Variants in ASB15 observed in about 807,000 individuals in gnomAD.
ASB15 encodes ankyrin repeat and SOCS box protein 15.
Under a neutral mutation model 58.0 loss-of-function variants are expected in ASB15, and 54 were observed. The observed-to-expected ratio is 0.93, with a 90% CI of 0.75 to 1.17. ASB15 has a LOEUF of 1.17. Ranked by LOEUF, ASB15 falls within the 50% of genes most tolerant of loss-of-function variation. The pLI, the probability that ASB15 is intolerant of heterozygous loss-of-function variation, is 0.00. For synonymous variants in ASB15, 249 were observed against 262.4 expected (o/e 0.95, Z 0.50); for missense variants, 680 against 707.4 (o/e 0.96, Z 0.44).
chr7:123,577,872 G>A (rs951475221), intron 1 of ASB15, among the ~76,000 whole-genome samples: 13 of 151,854 alleles, frequency 8.6e-5, no homozygotes, highest in African/African-American at 1.9e-4. Context: ...AATATCAAGC[G>A]TAGTCTTTGC....
At chr7:123,631,947 G>A (rs1802141039) in intron 11 of ASB15, among the ~76,000 whole-genome samples, 2 of 151,886 alleles carry the variant, frequency 1.3e-5, no homozygotes, top group Admixed American at 6.6e-5. Flanking sequence ...GCGTGCTGGC[G>A]GGCGCCTGTA....
chr7:123,585,988 C>T (rs896125913), intron 1 of ASB15, among the ~76,000 whole-genome samples: 1 of 151,676 alleles, frequency 6.6e-6, no homozygotes, highest in Admixed American at 6.6e-5. Context: ...CTTATGGACA[C>T]TTAGGTTAAT....
intron 3 of ASB15, chr7:123,614,171 C>T (rs973852611): frequency 1.7e-5 from 4 of 238,964 alleles, no homozygotes; most frequent in African/African-American, 4.7e-5. Context: ...AACTGATGGA[C>T]CAAAATTGGC....
intron 1 of ASB15, among the ~76,000 whole-genome samples, chr7:123,589,049 G>T (rs1342675556): frequency 6.6e-6 from 1 of 151,668 alleles, no homozygotes; most frequent in African/African-American, 2.4e-5. Context: ...GTAATGTTCT[G>T]CATATGTCTG....
chr7:123,627,669 C>T (rs1008090385), intron 9 of ASB15, among the ~76,000 whole-genome samples: 1 of 152,088 alleles, frequency 6.6e-6, no homozygotes, highest in African/African-American at 2.4e-5. Flanking sequence ...CAGTGTTATT[C>T]CAGTTATTTC....
In ASB15 at chr7:123,630,039, T is replaced by C. The variant is rs1430817592; in HGVS notation, c.1514T>C (p.Met505Thr). The C allele has an allele frequency of 6.2e-6, 10 of 1,606,888 alleles. No homozygotes were observed. The highest frequency in any genetic ancestry group is 8.5e-6 in the Non-Finnish European group (10 of 1,173,974). The change falls in exon 11 of 12, where the codon ATG becomes ACG. Residue 505 changes from methionine (M) to threonine (T), a missense_variant. Physicochemically the swap from Met to Thr is moderately conservative, Grantham distance 81. Coordinates refer to ENST00000451215, the MANE Select transcript of ASB15 (RefSeq NM_001290258.2). The part of the protein sequence containing the change: ...GRVTRVLIDY[M>T]DYVPLCAKLK... ...GTTACTCGTGTACTAATAGATTACA[T>C]GGATTATGTTCCTCTGTGTGCTAAA...
chr7:123,624,991 T>A, intron 8 of ASB15, 177 bp downstream of exon 8: 1 of 701,802 alleles, frequency 1.4e-6, no homozygotes, highest in Non-Finnish European at 2.3e-6. Context: ...ATTCTACAAC[T>A]CAGCTAAGCC....
intron 1 of ASB15, among the ~76,000 whole-genome samples, chr7:123,583,939 G>A (rs983285510): frequency 1.3e-5 from 2 of 151,830 alleles, no homozygotes; most frequent in Admixed American, 6.6e-5. Flanking sequence ...TGATACAGTC[G>A]ATCACTCCTT....
At chr7:123,588,915 T>C (rs1263045288) in intron 1 of ASB15, among the ~76,000 whole-genome samples, 1 of 151,864 alleles carries the variant, frequency 6.6e-6, no homozygotes, top group Non-Finnish European at 1.5e-5. Flanking sequence ...TTCCATACCA[T>C]TGTGGTTGGA....
chr7:123,568,133 C>T (rs1798808545), intron 1 of ASB15, among the ~76,000 whole-genome samples: 1 of 152,100 alleles, frequency 6.6e-6, no homozygotes, highest in Non-Finnish European at 1.5e-5. Flanking sequence ...TTGAGTTAAT[C>T]AATATGTGAA....
intron 1 of ASB15, among the ~76,000 whole-genome samples, chr7:123,574,207 TC>T (rs1170251219): frequency 6.6e-6 from 1 of 151,950 alleles, no homozygotes; most frequent in Non-Finnish European, 1.5e-5. Flanking sequence ...CCTTTTTTTT[TC>T]TTTTTTTTTT....
chr7:123,594,012 G>C (rs965646610), intron 1 of ASB15, among the ~76,000 whole-genome samples: 1 of 151,602 alleles, frequency 6.6e-6, no homozygotes, highest in African/African-American at 2.4e-5. Flanking sequence ...TTGTCTTCTC[G>C]CTTTATTTCA....
chr7:123,587,041 A>C lies in ASB15; in HGVS notation c.-442-16991A>C, dbSNP rs574898471. 1.5e-4 allele frequency among the ~76,000 whole-genome samples: 23 copies of C among 151,752 alleles called. No homozygotes were observed. The East Asian group carries it at 4.1e-3, about 27-fold the overall frequency. On this transcript the variant is annotated intron_variant, in intron 1 of 13. Transcript: ENST00000451558. ...CTTTGGTCTTTCTCAAGATTGATTT[A>C]GCCATTTAAGGTCTTTTTTGGTTCC...
chr7:123,614,932 G>T (rs1019325231), intron 4 of ASB15, among the ~76,000 whole-genome samples: 1 of 150,674 alleles, frequency 6.6e-6, no homozygotes, highest in South Asian at 2.1e-4. Flanking sequence ...TGCAAGTACA[G>T]TTTATAGAAC....
intron 1 of ASB15, among the ~76,000 whole-genome samples, chr7:123,593,750 A>C (rs1443795277): frequency 3.3e-5 from 5 of 151,642 alleles, no homozygotes; most frequent in Non-Finnish European, 5.9e-5. Flanking sequence ...CTGAACACTT[A>C]TGTGTCTTGG....
At chr7:123,618,230 T>C (rs895174338) in intron 7 of ASB15, among the ~76,000 whole-genome samples, 2 of 152,164 alleles carry the variant, frequency 1.3e-5, no homozygotes, top group Non-Finnish European at 2.9e-5. Flanking sequence ...GAGGGAAGAA[T>C]GGGAAATCTG....
chr7:123,602,995 C>T (rs533590411), intron 1 of ASB15, among the ~76,000 whole-genome samples: 71 of 152,162 alleles, frequency 4.7e-4, no homozygotes, highest in African/African-American at 1.6e-3. Context: ...ATGTCATAGA[C>T]GTTAAGTGAC....
At chr7:123,609,109 A>G (rs970236279) in intron 3 of ASB15, 8 of 152,174 alleles carry the variant, frequency 5.3e-5, no homozygotes, top group Admixed American at 2.0e-4. Flanking sequence ...TAAAAGAAAA[A>G]TTCCCAGGGA....
intron 7 of ASB15, among the ~76,000 whole-genome samples, chr7:123,618,868 T>A (rs6956498): frequency 0.39 from 59,470 of 151,856 alleles, 12,402 homozygotes; most frequent in South Asian, 0.47. Context: ...AATATCAATG[T>A]AAAAAACGTA....
Sources: allele counts gnomAD v4.1 joint callset (sites outside exome capture counted in the v4.1 genomes callset), GRCh38; gene constraint gnomAD v4.1.1; transcripts MANE v1.5; gene names NCBI Gene and HGNC (gene_info 2026-07-23, HGNC 2026-07-21).